RILPL1: variants seen among roughly 807,000 people sequenced by gnomAD.
RILPL1 encodes the protein Rab interacting lysosomal protein like 1.
RILPL1 carries 33 observed loss-of-function variants against 50.3 expected under a neutral mutation model. The ratio of observed to expected loss-of-function variants is 0.66; its 90% CI spans 0.50 to 0.88. The LOEUF (loss-of-function observed/expected upper bound fraction) is 0.88, where lower values mean the gene tolerates loss of function less well. Ranked by LOEUF, RILPL1 falls within the 40% of genes least tolerant of loss-of-function variation. The probability of loss-of-function intolerance (pLI) is 0.00; values close to 1 mark genes in which losing one functional copy is unlikely to be tolerated. For missense variants in RILPL1, 418 were observed against 542.5 expected, an observed-to-expected ratio of 0.77 and a Z score of 2.28; for synonymous variants, 205 against 228.6, an observed-to-expected ratio of 0.90 and a Z score of 0.93.
rs1255819330 is a variant in RILPL1, at chr12:123,498,177, G to A, written c.801+367C>T. 6.6e-6 allele frequency among the ~76,000 whole-genome samples: 1 copy of A among 152,070 alleles called. No individual in the cohort carries two copies. Among genetic ancestry groups the A allele is most frequent in the Non-Finnish European group, 1.5e-5 (1 of 68,000 alleles). ...CCCTCAGCTGTGTGTCCTCAGGCCAGTAGCTTGTTCTCTCTGAGCCTCTCG... is the reference window on the plus strand; with the variant it reads ...CCCTCAGCTGTGTGTCCTCAGGCCAATAGCTTGTTCTCTCTGAGCCTCTCG... On this transcript the variant is annotated intron_variant, in intron 4 of 6. Transcript: ENST00000376874. This position sits in a 1 kb window ranked among gnomAD's most constrained non-coding sequence, Gnocchi z 4.3.
chr12:123,507,490 A>G (rs1356394101), intron 2 of RILPL1, among the ~76,000 whole-genome samples: 1 of 151,664 alleles, frequency 6.6e-6, no homozygotes, highest in African/African-American at 2.4e-5. Flanking sequence ...GCTTGAGCCC[A>G]GGAGTTCGAG....
Position 123,498,850 on chromosome 12 carries a change from G to T in RILPL1, c.580-85C>A. ...CTGCACAACGGCAAACCATCCATAG[G>T]TGTGCCATTTACATTGCAGACATCT... On this transcript the variant is annotated intron_variant, in intron 3 of 6. Coordinates refer to ENST00000376874, the MANE Select transcript of RILPL1 (RefSeq NM_178314.5). This position sits in a 1 kb window ranked among gnomAD's most constrained non-coding sequence, Gnocchi z 4.3. The T allele has an allele frequency of 7.8e-7, 1 of 1,276,478 alleles. No individual in the cohort carries two copies. The highest frequency in any genetic ancestry group is 1.1e-6 in the Non-Finnish European group (1 of 888,962). The allele number at this position is 1,276,478 out of a possible 1,614,324, so 79.1% of individuals were successfully genotyped here. A position where few individuals can be genotyped will look rare whatever the true frequency, so the allele number is the denominator to read the frequency against.
chr12:123,506,075 C>T (rs1026385966), intron 2 of RILPL1, among the ~76,000 whole-genome samples: 8 of 152,196 alleles, frequency 5.3e-5, no homozygotes, highest in African/African-American at 1.2e-4. Flanking sequence ...AGTGCCGTGA[C>T]GGATGTGACA....
chr12:123,477,333 CTTTCT>C (rs942012060), intron 6 of RILPL1, among the ~76,000 whole-genome samples: 6 of 128,624 alleles, frequency 4.7e-5, no homozygotes, highest in Admixed American at 8.7e-5. Flanking sequence ...TTCTTTCTTT[CTTTCT>C]TTTTTTTTTT....
chr12:123,506,806 T>A (rs1277953448), intron 2 of RILPL1, among the ~76,000 whole-genome samples: 3 of 152,110 alleles, frequency 2.0e-5, no homozygotes, highest in Admixed American at 2.0e-4. Flanking sequence ...CACAAAGCCA[T>A]GAAACTGGAT....
At chr12:123,518,157 G>A (rs961476678) in intron 2 of RILPL1, among the ~76,000 whole-genome samples, 16 of 152,030 alleles carry the variant, frequency 1.1e-4, no homozygotes, top group African/African-American at 2.2e-4. Flanking sequence ...TGGTGGTGGC[G>A]GCTGCACAAG....
chr12:123,473,171 T>C (rs113135850), intron 6 of RILPL1: 1 of 171,500 alleles, frequency 5.8e-6, no homozygotes, highest in Non-Finnish European at 1.3e-5. Flanking sequence ...TCATGGACAT[T>C]ACTGCTTAGA....
At chr12:123,514,699 T>A (rs1160767099) in intron 2 of RILPL1, among the ~76,000 whole-genome samples, 1 of 152,026 alleles carries the variant, frequency 6.6e-6, no homozygotes, top group East Asian at 1.9e-4. Context: ...CTGCTGCAAT[T>A]ACAGGTGTGA....
intron 2 of RILPL1, among the ~76,000 whole-genome samples, chr12:123,506,547 C>T (rs1883763570): frequency 1.3e-5 from 2 of 152,084 alleles, no homozygotes; most frequent in East Asian, 1.9e-4. Context: ...AGGGAAAGGA[C>T]CCTGCAGTGC....
rs750342999 is a variant in RILPL1 at position 123,485,525 on chromosome 12, C to A, written c.974+108G>T. ...GGCCAGAGAGGGTACCCAAAAAAAA[C>A]ACTGATGAAATGCTTGTCTTCCAGG... On this transcript the variant is annotated intron_variant, in intron 5 of 6. Coordinates refer to ENST00000376874, the MANE Select transcript of RILPL1 (RefSeq NM_178314.5). This position sits in a 1 kb window ranked among gnomAD's most constrained non-coding sequence, Gnocchi z 4.0. 5 of 1,070,964 alleles carry A rather than the reference C, an allele frequency of 4.7e-6. No homozygotes were observed. The highest frequency in any genetic ancestry group is 6.8e-6 in the Non-Finnish European group (5 of 738,226). The allele number at this position is 1,070,964 out of a possible 1,614,324, so 66.3% of individuals were successfully genotyped here.
intron 6 of RILPL1, chr12:123,473,580 A>G (rs1424914066): frequency 6.6e-6 from 1 of 152,096 alleles, no homozygotes; most frequent in Non-Finnish European, 1.5e-5. Context: ...ATATAAAATT[A>G]GGGAAACATC....
At chr12:123,511,376 GTC>G (rs1345365259) in intron 2 of RILPL1, among the ~76,000 whole-genome samples, 1 of 143,060 alleles carries the variant, frequency 7.0e-6, no homozygotes, top group Non-Finnish European at 1.5e-5. Flanking sequence ...TCTGTGTGAG[GTC>G]TGTGTGTGTG....
chr12:123,507,034 T>C (rs1190693923), intron 2 of RILPL1, among the ~76,000 whole-genome samples: 1 of 152,108 alleles, frequency 6.6e-6, no homozygotes, highest in Non-Finnish European at 1.5e-5. Flanking sequence ...CCAGAATGGC[T>C]AAAATGAGAA....
chr12:123,479,618 G>T (rs1275396632), intron 6 of RILPL1, among the ~76,000 whole-genome samples: 1 of 152,114 alleles, frequency 6.6e-6, no homozygotes, highest in African/African-American at 2.4e-5. Flanking sequence ...GTGGACAAAG[G>T]CGACCAGTGT....
chr12:123,493,587 C>G (rs1440845947), intron 4 of RILPL1, among the ~76,000 whole-genome samples: 1 of 152,126 alleles, frequency 6.6e-6, no homozygotes, highest in African/African-American at 2.4e-5. Flanking sequence ...AGACAGATTC[C>G]TTTCTAGCTC....
chr12:123,504,861 G>T (rs1027131590), intron 2 of RILPL1, among the ~76,000 whole-genome samples: 9 of 151,938 alleles, frequency 5.9e-5, no homozygotes, highest in Non-Finnish European at 4.4e-5. Context: ...ATGATACCAA[G>T]CTGCCTTGTC....
chr12:123,484,054 A>G (rs1465674354), intron 6 of RILPL1, 126 bp downstream of exon 6: 1 of 633,232 alleles, frequency 1.6e-6, no homozygotes, highest in African/African-American at 1.8e-5. Context: ...GGGCCAGGCC[A>G]GACGTCTCAG....
intron 2 of RILPL1, among the ~76,000 whole-genome samples, chr12:123,512,655 G>C (rs1355057068): frequency 6.8e-6 from 1 of 147,794 alleles, no homozygotes; most frequent in African/African-American, 2.5e-5. Context: ...TGTGTGGTGT[G>C]AGAGCTGTGT....
chr12:123,529,827 T>C (rs1186956675), intron 1 of RILPL1, among the ~76,000 whole-genome samples: 1 of 145,836 alleles, frequency 6.9e-6, no homozygotes, highest in African/African-American at 2.5e-5. Flanking sequence ...GGAGCCGTGA[T>C]GCCATCATTG....
Sources: gnomAD v4.1 joint callset for allele counts (sites outside exome capture counted in the v4.1 genomes callset) on GRCh38, gnomAD v4.1.1 for gene constraint, Gnocchi (gnomAD v3.1) non-coding constraint, MANE v1.5 for transcripts, NCBI Gene and HGNC (gene_info 2026-07-23, HGNC 2026-07-21) for gene names.